ANK2: variants seen among roughly 807,000 people sequenced by gnomAD.
The protein encoded by ANK2 is ankyrin 2.
ANK2 carries 83 observed loss-of-function variants against 360.5 expected under a neutral mutation model. The observed-to-expected ratio is 0.23, with a 90% CI of 0.19 to 0.28. ANK2 has a LOEUF of 0.28. Ranked by LOEUF, ANK2 falls within the 10% of genes least tolerant of loss-of-function variation. The pLI is 1.00. For missense variants in ANK2, 4,201 were observed against 4,795.7 expected, an observed-to-expected ratio of 0.88 and a Z score of 3.66; for synonymous variants, 1,740 against 1,759.5, an observed-to-expected ratio of 0.99 and a Z score of 0.28.
At chr4:113,304,154 C>G (rs1252683763) in intron 23 of ANK2, among the ~76,000 whole-genome samples, 1 of 152,176 alleles carries the variant, frequency 6.6e-6, no homozygotes, top group African/African-American at 2.4e-5. Flanking sequence ...TAGTTCTCAG[C>G]ATTCCTATAT....
At chr4:113,002,270 T>TACTTAAATGTGAGAAATGAAAGCATAAA (rs2051022019) in intron 2 of ANK2, among the ~76,000 whole-genome samples, 1 of 152,214 alleles carries the variant, frequency 6.6e-6, no homozygotes, top group Non-Finnish European at 1.5e-5. Context: ...CACGTATGTT[T>TACTTAAATGTGAGAAATGAAAGCATAAA]ATTGTGGCAC....
At chr4:113,203,048 G>A (rs1057203404) in intron 4 of ANK2, among the ~76,000 whole-genome samples, 11 of 152,090 alleles carry the variant, frequency 7.2e-5, no homozygotes, top group East Asian at 3.9e-4. Context: ...CCATGGTGCC[G>A]GAATTATGGA....
intron 1 of ANK2, among the ~76,000 whole-genome samples, chr4:112,864,013 A>G (rs1043269508): frequency 2.0e-5 from 3 of 152,176 alleles, no homozygotes; most frequent in Non-Finnish European, 4.4e-5. Context: ...AGAGGCTTAC[A>G]TTTGGGTGGG....
intron 4 of ANK2, among the ~76,000 whole-genome samples, chr4:113,204,411 T>C (rs1266857502): frequency 6.6e-6 from 1 of 152,142 alleles, no homozygotes. Context: ...GGCTAGAAGT[T>C]CTCATGAGGC....
chr4:113,267,223 T>G (rs2056527437), intron 14 of ANK2, among the ~76,000 whole-genome samples: 1 of 152,174 alleles, frequency 6.6e-6, no homozygotes, highest in Non-Finnish European at 1.5e-5. Context: ...TGATGATAGT[T>G]TCTTTTGCTG....
chr4:112,792,033 C>CTTTTTT, the ANK2 span, among the ~76,000 whole-genome samples: 65 of 65,988 alleles, frequency 9.9e-4, no homozygotes, highest in Admixed American at 1.8e-3. Context: ...CACATCCTTT[C>CTTTTTT]TTTTTTTTTT....
At chr4:113,069,518 C>T (rs1269113199) in intron 1 of ANK2, among the ~76,000 whole-genome samples, 2 of 152,190 alleles carry the variant, frequency 1.3e-5, no homozygotes, top group African/African-American at 4.8e-5. Flanking sequence ...ATGTTGCAAT[C>T]AGTCTTTTAA....
chr4:112,932,367 C>T (rs1448208384), intron 2 of ANK2, among the ~76,000 whole-genome samples: 1 of 152,000 alleles, frequency 6.6e-6, no homozygotes, highest in Non-Finnish European at 1.5e-5. Context: ...TGGCGCGTGC[C>T]TGTAATCCCA....
intron 1 of ANK2, among the ~76,000 whole-genome samples, chr4:112,844,168 A>C (rs1417202388): frequency 1.3e-5 from 2 of 152,150 alleles, no homozygotes; most frequent in Non-Finnish European, 2.9e-5. Context: ...TGAGAAGGTA[A>C]AGTGGTCGAG....
intron 10 of ANK2, among the ~76,000 whole-genome samples, chr4:113,253,141 CTATCATCTGGTG>C (rs1269059490): frequency 1.3e-5 from 2 of 152,222 alleles, no homozygotes; most frequent in African/African-American, 4.8e-5. Context: ...TCTCCCGTTA[CTATCATCTGGTG>C]TGATTGCTTG....
chr4:112,980,514 A>G (rs747434627), intron 2 of ANK2: 2 of 152,276 alleles, frequency 1.3e-5, no homozygotes, highest in African/African-American at 2.4e-5. Flanking sequence ...TGTCTCTGCC[A>G]TCAACAATAG....
chr4:113,160,771 C>T (rs879724303), intron 1 of ANK2, among the ~76,000 whole-genome samples: 8 of 152,156 alleles, frequency 5.3e-5, no homozygotes, highest in Non-Finnish European at 7.3e-5. Context: ...CCCACTTGAG[C>T]CATGCACAAC....
intron 9 of ANK2, among the ~76,000 whole-genome samples, chr4:113,245,580 T>G (rs2042404019): frequency 6.6e-6 from 1 of 151,982 alleles, no homozygotes; most frequent in Non-Finnish European, 1.5e-5. Context: ...CCATCAGATC[T>G]CATGAGAACT....
intron 2 of ANK2, among the ~76,000 whole-genome samples, chr4:113,190,493 AT>A (rs2098642085): frequency 6.6e-6 from 1 of 151,340 alleles, no homozygotes; most frequent in Non-Finnish European, 1.5e-5. Context: ...TTTTTTTCTA[AT>A]TTTGATGTAT....
intron 1 of ANK2, among the ~76,000 whole-genome samples, chr4:112,832,104 C>T (rs973229624): frequency 6.6e-5 from 10 of 152,322 alleles, no homozygotes; most frequent in Admixed American, 2.0e-4. Context: ...CAGGCTGGAG[C>T]GCAGTGCTAC....
intron 2 of ANK2, among the ~76,000 whole-genome samples, chr4:113,015,868 C>G (rs2056465419): frequency 6.6e-6 from 1 of 152,082 alleles, no homozygotes; most frequent in South Asian, 2.1e-4. Flanking sequence ...TAACAAATAG[C>G]ACATTTGGGG....
chr4:113,358,557 C>A lies in ANK2; in HGVS notation c.9939C>A (p.Thr3313=), dbSNP rs562895246. Residue 3313 remains threonine, a synonymous_variant, in exon 38 of 46, where the codon ACC becomes ACA. Coordinates refer to ENST00000357077, the MANE Select transcript of ANK2 (RefSeq NM_001148.6). Reference sequence around the variant, plus strand: ...CTGTAAGGACTATGCCCACTTCCACCCCAGCACCTCCATCTGCAGAGTATG... The same window carrying A: ...CTGTAAGGACTATGCCCACTTCCACACCAGCACCTCCATCTGCAGAGTATG... ...KIPVRTMPTS[T]PAPPSAEYES... 10 of 1,614,050 alleles carry A rather than the reference C, an allele frequency of 6.2e-6. No homozygotes were observed. In the South Asian group the frequency reaches 1.1e-4, roughly 18 times the overall value.
chr4:113,027,012 G>A (rs1407458247), intron 2 of ANK2, among the ~76,000 whole-genome samples: 1 of 152,088 alleles, frequency 6.6e-6, no homozygotes, highest in African/African-American at 2.4e-5. Context: ...AAGAAGGGCT[G>A]GGGTGAGAGT....
intron 1 of ANK2, among the ~76,000 whole-genome samples, chr4:112,836,372 G>A (rs2060990814): frequency 1.3e-5 from 2 of 152,160 alleles, no homozygotes; most frequent in Admixed American, 1.3e-4. Flanking sequence ...TATCTTTATA[G>A]CAGTGTGAGA....
Sources: allele counts gnomAD v4.1 joint callset (sites outside exome capture counted in the v4.1 genomes callset), GRCh38; gene constraint gnomAD v4.1.1; transcripts MANE v1.5; gene names NCBI Gene and HGNC (gene_info 2026-07-23, HGNC 2026-07-21).